WIPF2: variants seen among roughly 807,000 people sequenced by gnomAD.
WIPF2 encodes WAS/WASL-interacting protein family member 2.
Under a neutral mutation model 38.8 loss-of-function variants are expected in WIPF2, and 23 were observed. The ratio of observed to expected loss-of-function variants is 0.59; its 90% CI spans 0.43 to 0.84. The LOEUF is 0.84. Ranked by LOEUF, WIPF2 falls within the 40% of genes least tolerant of loss-of-function variation. The pLI, the probability that WIPF2 is intolerant of heterozygous loss-of-function variation, is 0.00. For missense variants in WIPF2, 574 were observed against 580.5 expected (o/e 0.99, Z 0.11); for synonymous variants, 210 against 223.2 (o/e 0.94, Z 0.53).
chr17:40,225,996 A>G (rs1199558022), intron 1 of WIPF2, among the ~76,000 whole-genome samples: 1 of 152,060 alleles, frequency 6.6e-6, no homozygotes, highest in African/African-American at 2.4e-5. Context: ...ATTGAGTGCC[A>G]TTTGGATTTT....
intron 1 of WIPF2, among the ~76,000 whole-genome samples, chr17:40,220,955 T>C (rs1374192188): frequency 2.0e-5 from 3 of 151,688 alleles, no homozygotes; most frequent in Non-Finnish European, 4.4e-5. Context: ...TTTTTTTGAA[T>C]TTTTAGTAGA....
chr17:40,242,439 TCTCA>T (rs1237589313), intron 1 of WIPF2, among the ~76,000 whole-genome samples: 1 of 152,134 alleles, frequency 6.6e-6, no homozygotes, highest in East Asian at 1.9e-4. Flanking sequence ...TTTGAGACAG[TCTCA>T]CTCTGTTACC....
rs1389775884 is a variant in WIPF2 at position 40,280,842 on chromosome 17, G to A, written c.*2617G>A. The A allele has an allele frequency of 1.3e-5, 2 of 152,520 alleles. No homozygotes were observed. The highest frequency in any genetic ancestry group is 2.9e-5 in the Non-Finnish European group (2 of 68,032). The allele number at this position is 152,520 out of a possible 1,614,324, so 9.4% of individuals were successfully genotyped here. ...TGTTGTCTTGGCCTCATGCAAAAAG[G>A]CCTGGGTCTAGATCTAGTCAGATGA... On this transcript the variant is annotated 3_prime_UTR_variant, in exon 8 of 8. Transcript: ENST00000323571.
At chr17:40,276,012 A>G (rs1254308126) in intron 6 of WIPF2, among the ~76,000 whole-genome samples, 1 of 152,186 alleles carries the variant, frequency 6.6e-6, no homozygotes, top group African/African-American at 2.4e-5. Flanking sequence ...GCACTTACAG[A>G]AAATTTGAGC....
At chr17:40,272,016 C>T (rs9910197) in intron 5 of WIPF2, among the ~76,000 whole-genome samples, 38,780 of 150,944 alleles carry the variant, frequency 0.26, 7,608 homozygotes, top group African/African-American at 0.56. Flanking sequence ...TAGGTATGAA[C>T]ATTTTCTTTT....
chr17:40,258,676 T>TTGAGC (rs2031805888), intron 2 of WIPF2, among the ~76,000 whole-genome samples: 1 of 151,952 alleles, frequency 6.6e-6, no homozygotes, highest in African/African-American at 2.4e-5. Flanking sequence ...GTGGTGATAC[T>TTGAGC]TGAGCTGAGT....
chr17:40,259,322 C>A (rs1363445471), intron 2 of WIPF2, among the ~76,000 whole-genome samples: 1 of 151,508 alleles, frequency 6.6e-6, no homozygotes, highest in East Asian at 1.9e-4. Context: ...TATTTCCCAG[C>A]TACTGGGGGC....
chr17:40,278,430 A>T lies in WIPF2; in HGVS notation c.*205A>T. On this transcript the variant is annotated 3_prime_UTR_variant, in exon 8 of 8. Coordinates refer to ENST00000323571, the MANE Select transcript of WIPF2 (RefSeq NM_133264.5). Reference sequence around the variant, plus strand: ...GGTGATCAGACTCTATATTGACAGTAGGATCTCAAACCCTGCATCCATCCT... The same window carrying T: ...GGTGATCAGACTCTATATTGACAGTTGGATCTCAAACCCTGCATCCATCCT... 1.7e-6 allele frequency: 1 copy of T among 594,130 alleles called. No individual in the cohort carries two copies. The highest frequency in any genetic ancestry group is 3.1e-5 in the Admixed American group (1 of 32,446). The allele number at this position is 594,130 out of a possible 1,614,324, so 36.8% of individuals were successfully genotyped here.
At position 40,270,229 on chromosome 17, in the gene WIPF2, G is replaced by A. The variant is rs187304059; in HGVS notation, c.971-3561G>A. ...AAAAATACAAAAATGAGCCGGGCGT[G>A]GTGGCGGGTGCCTGTAGTCCCAGCT... On this transcript the variant is annotated intron_variant, in intron 5 of 7. Transcript: ENST00000323571. Among the ~76,000 whole-genome samples the A allele has an allele frequency of 4.1e-3, 616 of 152,050 alleles. 2 individuals are homozygous for A. The highest frequency in any genetic ancestry group is 6.8e-3 in the Non-Finnish European group (464 of 67,970).
At chr17:40,230,850 T>C in intron 1 of WIPF2, among the ~76,000 whole-genome samples, 1 of 152,214 alleles carries the variant, frequency 6.6e-6, no homozygotes, top group Non-Finnish European at 1.5e-5. Flanking sequence ...CCGATGAATA[T>C]ACTGTCATAC....
intron 2 of WIPF2, 72 bp from the exon 3 acceptor site, chr17:40,260,463 A>G (rs2031861241): frequency 6.4e-7 from 1 of 1,565,546 alleles, no homozygotes; most frequent in Non-Finnish European, 8.7e-7. Context: ...TTGGGATTAC[A>G]GGCGTGAGCC....
intron 5 of WIPF2, among the ~76,000 whole-genome samples, chr17:40,266,084 T>C (rs1247184691): frequency 6.6e-6 from 1 of 151,972 alleles, no homozygotes; most frequent in Non-Finnish European, 1.5e-5. Flanking sequence ...GAAAACCACA[T>C]GCTGGATGAA....
intron 6 of WIPF2, 36 bp downstream of exon 6, chr17:40,274,035 G>A: frequency 6.7e-7 from 1 of 1,488,078 alleles, no homozygotes; most frequent in Non-Finnish European, 9.0e-7. Context: ...CATGGTTCCT[G>A]CGGTGACTTC....
chr17:40,237,896 CAAA>C (rs758183706), intron 1 of WIPF2, among the ~76,000 whole-genome samples: 5 of 105,988 alleles, frequency 4.7e-5, no homozygotes, highest in Admixed American at 9.9e-5. Flanking sequence ...ACTAAAATAC[CAAA>C]AAAAAAAAAA....
chr17:40,225,274 G>A (rs976597816), intron 1 of WIPF2, among the ~76,000 whole-genome samples: 2 of 148,128 alleles, frequency 1.4e-5, no homozygotes, highest in African/African-American at 5.0e-5. Flanking sequence ...AAGCCATTGA[G>A]CCTGAGGAAC....
intron 1 of WIPF2, among the ~76,000 whole-genome samples, chr17:40,250,914 CTTTTTT>C (rs1020649049): frequency 1.1e-5 from 1 of 90,348 alleles, no homozygotes; most frequent in African/African-American, 4.3e-5. Context: ...CTATTAGATT[CTTTTTT>C]TTTTTTTTTT....
chr17:40,264,452 C>T lies in WIPF2; in HGVS notation c.314-38C>T, dbSNP rs181208754. 1.3e-4 allele frequency: 202 copies of T among 1,605,344 alleles called. 1 individual carries two copies. In the East Asian group the frequency reaches 2.9e-3, roughly 23 times the overall value. On this transcript the variant is annotated intron_variant, in intron 4 of 7. Coordinates refer to ENST00000323571, the MANE Select transcript of WIPF2 (RefSeq NM_133264.5). ...AGTAGGGATACTGACCAATATCTGT[C>T]CAGCTCTGTTGACCCTGTGTTGTCT...
chr17:40,252,932 A>G (rs1461931359), intron 1 of WIPF2, among the ~76,000 whole-genome samples: 1 of 150,584 alleles, frequency 6.6e-6, no homozygotes, highest in Non-Finnish European at 1.5e-5. Context: ...TGCCTGGCTA[A>G]TTTTGTATTT....
At chr17:40,278,151 GT>G in intron 7 of WIPF2, 33 bp from the exon 8 acceptor site, 1 of 1,603,648 alleles carries the variant, frequency 6.2e-7, no homozygotes, top group Non-Finnish European at 8.5e-7. Flanking sequence ...TGGGTGACCT[GT>G]ATGTGTGTGG....
Sources: allele counts gnomAD v4.1 joint callset (sites outside exome capture counted in the v4.1 genomes callset), GRCh38; gene constraint gnomAD v4.1.1; transcripts MANE v1.5; gene names NCBI Gene and HGNC (gene_info 2026-07-23, HGNC 2026-07-21).